Variants in PRKAR2A observed in about 807,000 individuals in gnomAD.
The protein encoded by PRKAR2A is cAMP-dependent protein kinase type II-alpha regulatory subunit.
PRKAR2A carries 29 observed loss-of-function variants against 51.9 expected under a neutral mutation model. The ratio of observed to expected loss-of-function variants is 0.56; its 90% CI spans 0.42 to 0.76. The LOEUF is 0.76. Among genes scored for constraint, PRKAR2A ranks in the 30% least tolerant of loss-of-function variants. PRKAR2A has a pLI of 0.00. For synonymous variants in PRKAR2A, 178 were observed against 186.2 expected (o/e 0.96, Z 0.36); for missense variants, 445 against 512.1 (o/e 0.87, Z 1.26).
intron 6 of PRKAR2A, among the ~76,000 whole-genome samples, chr3:48,772,094 C>T (rs2082037403): frequency 6.6e-6 from 1 of 152,174 alleles, no homozygotes; most frequent in Admixed American, 6.6e-5. Context: ...GATAGTCTGC[C>T]TTCTTCTTTC....
intron 1 of PRKAR2A, among the ~76,000 whole-genome samples, chr3:48,822,926 C>T (rs1045653670): frequency 2.2e-4 from 33 of 151,918 alleles, no homozygotes; most frequent in Admixed American, 4.6e-4. Context: ...TCTGAATATA[C>T]CTTGTTTTAT....
At chr3:48,803,837 G>A (rs1241703775) in intron 2 of PRKAR2A, among the ~76,000 whole-genome samples, 4 of 152,108 alleles carry the variant, frequency 2.6e-5, no homozygotes, top group Non-Finnish European at 2.9e-5. Context: ...GTGAAACCTC[G>A]TTTCTACTAA....
intron 8 of PRKAR2A, among the ~76,000 whole-genome samples, chr3:48,760,233 T>C (rs1014339065): frequency 6.6e-6 from 1 of 152,262 alleles, no homozygotes; most frequent in African/African-American, 2.4e-5. Flanking sequence ...GATGCATGCC[T>C]GTAGTTCCAG....
intron 5 of PRKAR2A, among the ~76,000 whole-genome samples, chr3:48,781,479 T>G (rs2082196203): frequency 6.6e-6 from 1 of 151,258 alleles, no homozygotes; most frequent in South Asian, 2.1e-4. Context: ...GTAGCTGCTA[T>G]TACAGGTGCA....
chr3:48,847,723 C>A lies in PRKAR2A; in HGVS notation c.-127G>T. ...GCGCACGGCCCCGGCTCACGTCGCG[C>A]CGCTCTTTGGCCGGCTCTGCGTTTC... On this transcript the variant is annotated 5_prime_UTR_variant, in exon 1 of 11. Coordinates refer to ENST00000265563, the MANE Select transcript of PRKAR2A (RefSeq NM_004157.4). The surrounding 1 kb of genome is among the most constrained non-coding windows in gnomAD (Gnocchi z 4.4). 1.0e-6 allele frequency: 1 copy of A among 985,738 alleles called. No individual in the cohort carries two copies. The highest frequency in any genetic ancestry group is 1.4e-6 in the Non-Finnish European group (1 of 731,386). 61.1% of individuals were successfully genotyped at this position (985,738 alleles called of 1,614,324 possible). A position where few individuals can be genotyped will look rare whatever the true frequency, so the allele number is the denominator to read the frequency against.
chr3:48,751,399 G>T lies in PRKAR2A; in HGVS notation c.*186C>A, dbSNP rs1334688499. ...GGGCCTTCAGAAGCAAAGTGGAGGT[G>T]TGGGTTGAACCTCTGCCCATCCTTT... On this transcript the variant is annotated 3_prime_UTR_variant, in exon 11 of 11. Transcript: ENST00000265563. 3 of 811,324 alleles carry T rather than the reference G, an allele frequency of 3.7e-6. No homozygotes were observed. The highest frequency in any genetic ancestry group is 1.7e-5 in the African/African-American group (1 of 59,122). The allele number at this position is 811,324 out of a possible 1,614,324, so 50.3% of individuals were successfully genotyped here.
chr3:48,841,797 C>G (rs1418496167), intron 1 of PRKAR2A, among the ~76,000 whole-genome samples: 2 of 151,984 alleles, frequency 1.3e-5, no homozygotes, highest in Non-Finnish European at 2.9e-5. Context: ...ATGTATTTTT[C>G]ATTTATTATT....
Position 48,752,147 on chromosome 3 carries a change from A to G in PRKAR2A, c.1081+29T>C, listed in dbSNP as rs566023844. ...AAAAAATATTACATGTTAGAAAAAG[A>G]ATATTAATGCATAAAGAACTTTTCT... is the stretch of plus-strand genomic sequence containing the variant. On this transcript the variant is annotated intron_variant, in intron 10 of 10. Transcript: ENST00000265563. 34 of 1,592,946 alleles carry G rather than the reference A, an allele frequency of 2.1e-5. No individual in the cohort carries two copies. In the Admixed American group the frequency reaches 5.1e-4, roughly 24 times the overall value.
chr3:48,755,517 A>T (rs2081746547), intron 9 of PRKAR2A, among the ~76,000 whole-genome samples: 2 of 152,026 alleles, frequency 1.3e-5, no homozygotes, highest in African/African-American at 2.4e-5. Flanking sequence ...GTTATCCTAG[A>T]GACCTCTTCT....
At chr3:48,819,250 A>G (rs1274305429) in intron 1 of PRKAR2A, among the ~76,000 whole-genome samples, 1 of 152,230 alleles carries the variant, frequency 6.6e-6, no homozygotes, top group African/African-American at 2.4e-5. Flanking sequence ...TCCTGACTTC[A>G]GGTGATCCGC....
In PRKAR2A at chr3:48,806,567, T is replaced by C. The variant is rs561948242; in HGVS notation, c.298+1082A>G. Among the ~76,000 whole-genome samples, 7 of 152,244 alleles carry C rather than the reference T, an allele frequency of 4.6e-5. No individual in the cohort carries two copies. The South Asian group carries it at 1.5e-3, about 32-fold the overall frequency. ...GCAGTGTTTGAGGTTATCAGTCATATATTAACATCTCTAACTCAATTAAAA... is the reference window on the plus strand; with the variant it reads ...GCAGTGTTTGAGGTTATCAGTCATACATTAACATCTCTAACTCAATTAAAA... On this transcript the variant is annotated intron_variant, in intron 2 of 10. Transcript: ENST00000265563.
At chr3:48,813,452 T>C (rs1275217843) in intron 1 of PRKAR2A, among the ~76,000 whole-genome samples, 1 of 151,940 alleles carries the variant, frequency 6.6e-6, no homozygotes, top group Non-Finnish European at 1.5e-5. Context: ...TCCCAGCATT[T>C]TGGGAGGCCG....
chr3:48,770,821 T>C (rs1422624795), intron 6 of PRKAR2A, among the ~76,000 whole-genome samples: 1 of 152,306 alleles, frequency 6.6e-6, no homozygotes, highest in East Asian at 1.9e-4. Flanking sequence ...GAGTCACTTC[T>C]CTTATGCCCA....
chr3:48,755,780 CT>C (rs1160883747), intron 9 of PRKAR2A, among the ~76,000 whole-genome samples: 466 of 133,466 alleles, frequency 3.5e-3, no homozygotes, highest in East Asian at 4.2e-3. Flanking sequence ...CCCCCATTTC[CT>C]TTTTTTTTTT....
intron 1 of PRKAR2A, among the ~76,000 whole-genome samples, chr3:48,831,898 G>T (rs1420305581): frequency 1.3e-5 from 2 of 152,070 alleles, no homozygotes; most frequent in Non-Finnish European, 2.9e-5. Flanking sequence ...GATTACGGGT[G>T]TGAGCCACCA....
intron 4 of PRKAR2A, among the ~76,000 whole-genome samples, chr3:48,790,057 G>A (rs1229247345): frequency 6.6e-6 from 1 of 151,902 alleles, no homozygotes; most frequent in African/African-American, 2.4e-5. Flanking sequence ...GTGCTTTGGG[G>A]CCATTATTAA....
intron 5 of PRKAR2A, among the ~76,000 whole-genome samples, chr3:48,779,905 T>C (rs574696458): frequency 6.6e-5 from 10 of 152,102 alleles, no homozygotes; most frequent in African/African-American, 2.4e-4. Flanking sequence ...CTCATGCCTG[T>C]AATCCCAGCA....
intron 5 of PRKAR2A, among the ~76,000 whole-genome samples, chr3:48,777,773 A>C (rs2082128085): frequency 6.6e-6 from 1 of 152,168 alleles, no homozygotes; most frequent in Admixed American, 6.6e-5. Flanking sequence ...ACTAAATATC[A>C]TGTATTAAAA....
At chr3:48,791,615 A>AAG (rs397989514) in intron 3 of PRKAR2A, among the ~76,000 whole-genome samples, 1 of 142,192 alleles carries the variant, frequency 7.0e-6, no homozygotes. Context: ...AAAAAAAAAA[A>AAG]GCTGGGCATG....
Sources: allele counts gnomAD v4.1 joint callset (sites outside exome capture counted in the v4.1 genomes callset), GRCh38; gene constraint gnomAD v4.1.1; non-coding constraint Gnocchi (gnomAD v3.1); transcripts MANE v1.5; gene names NCBI Gene and HGNC (gene_info 2026-07-23, HGNC 2026-07-21).